YTHDF2: variants seen among roughly 807,000 people sequenced by gnomAD.
YTHDF2 encodes YTH domain-containing family protein 2.
Under a neutral mutation model 50.4 loss-of-function variants are expected in YTHDF2, and 2 were observed. The observed-to-expected ratio is 0.04, with a 90% confidence interval of 0.02 to 0.12. The LOEUF is 0.12. Among genes scored for constraint, YTHDF2 ranks in the 10% least tolerant of loss-of-function variants. The probability of loss-of-function intolerance (pLI) is 1.00; values close to 1 mark genes in which losing one functional copy is unlikely to be tolerated. For missense variants in YTHDF2, 483 were observed against 722.6 expected (o/e 0.67, Z 3.80); for synonymous variants, 217 against 255.6 (o/e 0.85, Z 1.44).
intron 4 of YTHDF2, among the ~76,000 whole-genome samples, chr1:28,752,777 T>C (rs2087977157): frequency 6.7e-6 from 1 of 148,448 alleles, no homozygotes; most frequent in South Asian, 2.4e-4. Context: ...GCACAGTGGC[T>C]CACACCTGTA....
intron 4 of YTHDF2, among the ~76,000 whole-genome samples, chr1:28,757,625 A>G (rs1456204263): frequency 6.6e-6 from 1 of 152,184 alleles, no homozygotes; most frequent in Non-Finnish European, 1.5e-5. Flanking sequence ...AGCATATAGA[A>G]CTTAAGCGTT....
chr1:28,761,606 G>A (rs948017151), intron 4 of YTHDF2, among the ~76,000 whole-genome samples: 63 of 152,128 alleles, frequency 4.1e-4, no homozygotes, highest in African/African-American at 1.5e-3. Flanking sequence ...GCATGGTGGC[G>A]CACGCATGTA....
chr1:28,737,796 A>G, intron 2 of YTHDF2, 114 bp downstream of exon 2: 1 of 1,254,142 alleles, frequency 8.0e-7, no homozygotes, highest in Non-Finnish European at 1.1e-6. Context: ...CTTAGTTCGC[A>G]GGTGCCGCAC....
intron 4 of YTHDF2, among the ~76,000 whole-genome samples, chr1:28,765,393 T>TC (rs886768657): frequency 4.6e-5 from 7 of 151,072 alleles, no homozygotes; most frequent in Admixed American, 2.6e-4. Context: ...TTTCTTCCCT[T>TC]CCCCCCAGTT....
At chr1:28,763,858 A>G (rs188087619) in intron 4 of YTHDF2, among the ~76,000 whole-genome samples, 1 of 129,650 alleles carries the variant, frequency 7.7e-6, no homozygotes, top group Admixed American at 7.6e-5. Flanking sequence ...ATTTTTTCAA[A>G]GAACCAACTT....
At position 28,748,673 on chromosome 1, in the gene YTHDF2, GACTT is replaced by G. The variant is rs570949384; in HGVS notation, c.1716+4692_1716+4695del. Among the ~76,000 whole-genome samples the G allele has an allele frequency of 9.2e-5, 14 of 152,324 alleles. No individual in the cohort carries two copies. In the South Asian group the frequency reaches 2.3e-3, roughly 25 times the overall value. On this transcript the variant is annotated intron_variant, in intron 4 of 4. Transcript: ENST00000373812. ...TTTTAGTGACATGTTTGATAGATGT[GACTT>G]ACTTTTATTTTTTTAAAAAGCAATA...
At chr1:28,761,686 G>A (rs1399218550) in intron 4 of YTHDF2, among the ~76,000 whole-genome samples, 2 of 151,938 alleles carry the variant, frequency 1.3e-5, no homozygotes, top group African/African-American at 4.8e-5. Flanking sequence ...GCGGTGAGCC[G>A]AGATTGCGCC....
chr1:28,756,738 G>A (rs1191634000), intron 4 of YTHDF2, among the ~76,000 whole-genome samples: 2 of 152,300 alleles, frequency 1.3e-5, no homozygotes, highest in South Asian at 2.1e-4. Flanking sequence ...TTGGAGGGAT[G>A]AGGAAGAGTT....
At chr1:28,741,188 G>A (rs971242236) in intron 3 of YTHDF2, among the ~76,000 whole-genome samples, 1 of 151,696 alleles carries the variant, frequency 6.6e-6, no homozygotes, top group African/African-American at 2.4e-5. Flanking sequence ...AGTAGAGACG[G>A]GCTTTCACCA....
chr1:28,747,304 G>T (rs979611335), intron 4 of YTHDF2, among the ~76,000 whole-genome samples: 2 of 151,874 alleles, frequency 1.3e-5, no homozygotes, highest in Non-Finnish European at 2.9e-5. Flanking sequence ...CAGCGCGGTG[G>T]CTCATGCCTG....
At chr1:28,764,925 T>A (rs1370107910) in intron 4 of YTHDF2, among the ~76,000 whole-genome samples, 1 of 152,120 alleles carries the variant, frequency 6.6e-6, no homozygotes, top group African/African-American at 2.4e-5. Context: ...GTGCAGTGAC[T>A]ATTCACAGCT....
chr1:28,745,085 A>G (rs1245019464), intron 4 of YTHDF2, among the ~76,000 whole-genome samples: 1 of 152,242 alleles, frequency 6.6e-6, no homozygotes, highest in East Asian at 1.9e-4. Context: ...AATATAAAAT[A>G]AAGTCTAACA....
chr1:28,749,002 T>A (rs1472510386), intron 4 of YTHDF2, among the ~76,000 whole-genome samples: 1 of 152,146 alleles, frequency 6.6e-6, no homozygotes, highest in Non-Finnish European at 1.5e-5. Flanking sequence ...TTAAAATTAG[T>A]ATTTAACCAC....
intron 4 of YTHDF2, among the ~76,000 whole-genome samples, chr1:28,750,311 C>T (rs756627350): frequency 3.3e-5 from 5 of 151,998 alleles, no homozygotes; most frequent in Non-Finnish European, 7.4e-5. Flanking sequence ...AGACTAGATT[C>T]TTCATGTCAA....
intron 4 of YTHDF2, among the ~76,000 whole-genome samples, chr1:28,762,043 A>G (rs2088143523): frequency 6.6e-6 from 1 of 152,254 alleles, no homozygotes; most frequent in East Asian, 1.9e-4. Context: ...GGTTGATTCT[A>G]TTAAACCATA....
chr1:28,738,548 G>A (rs1277692772), intron 3 of YTHDF2, among the ~76,000 whole-genome samples: 1 of 152,138 alleles, frequency 6.6e-6, no homozygotes, highest in East Asian at 1.9e-4. Context: ...GGGTTCAAGC[G>A]AATCTCCTGT....
intron 4 of YTHDF2, among the ~76,000 whole-genome samples, chr1:28,760,140 C>T (rs1016111862): frequency 2.0e-4 from 30 of 152,168 alleles, no homozygotes; most frequent in African/African-American, 7.2e-4. Context: ...ATAGTACCTT[C>T]TTCTGGAATA....
intron 4 of YTHDF2, among the ~76,000 whole-genome samples, chr1:28,768,271 T>G (rs936663246): frequency 1.3e-5 from 2 of 152,178 alleles, no homozygotes; most frequent in African/African-American, 4.8e-5. Context: ...TAGGATAAGT[T>G]TCTGAAAGAC....
At chr1:28,759,405 C>T (rs193193900) in intron 4 of YTHDF2, among the ~76,000 whole-genome samples, 3 of 152,230 alleles carry the variant, frequency 2.0e-5, no homozygotes, top group African/African-American at 7.2e-5. Context: ...TTTAGATATA[C>T]AATCATGCAT....
Sources: allele counts gnomAD v4.1 joint callset (sites outside exome capture counted in the v4.1 genomes callset), GRCh38; gene constraint gnomAD v4.1.1; transcripts MANE v1.5; gene names NCBI Gene and HGNC (gene_info 2026-07-23, HGNC 2026-07-21).